TEAD1: variants seen among roughly 807,000 people sequenced by gnomAD.
TEAD1 encodes transcriptional enhancer factor TEF-1.
TEAD1 carries 9 observed loss-of-function variants against 54.9 expected under a neutral mutation model. The ratio of observed to expected loss-of-function variants is 0.16; its 90% CI spans 0.10 to 0.29. The LOEUF is 0.29. Among genes scored for constraint, TEAD1 ranks in the 10% least tolerant of loss-of-function variants. The pLI, the probability that TEAD1 is intolerant of heterozygous loss-of-function variation, is 1.00. For synonymous variants in TEAD1, 200 were observed against 187.8 expected, an observed-to-expected ratio of 1.07 and a Z score of -0.53; for missense variants, 387 against 535.9, an observed-to-expected ratio of 0.72 and a Z score of 2.74.
chr11:12,675,472 A>C lies in TEAD1; in HGVS notation c.-144A>C, dbSNP rs1157678628. 6.6e-6 allele frequency: 1 copy of C among 152,580 alleles called. No individual in the cohort carries two copies. Among genetic ancestry groups the C allele is most frequent in the East Asian group, 1.9e-4 (1 of 5,170 alleles). The allele number at this position is 152,580 out of a possible 1,614,324, so 9.5% of individuals were successfully genotyped here. A position where few individuals can be genotyped will look rare whatever the true frequency, so the allele number is the denominator to read the frequency against. On this transcript the variant is annotated 5_prime_UTR_variant, in exon 2 of 13. Coordinates refer to ENST00000527636, the MANE Select transcript of TEAD1 (RefSeq NM_021961.6). ...TTCAAGTGGAAAATTTTCAGGAGTC[A>C]GCAGAAACATTGTGTCCAAAAAAGA...
intron 3 of TEAD1, among the ~76,000 whole-genome samples, chr11:12,836,722 G>T (rs573853565): frequency 6.6e-6 from 1 of 152,246 alleles, no homozygotes; most frequent in Non-Finnish European, 1.5e-5. Context: ...TCTGATTTCA[G>T]TCCCTGGAAA....
In TEAD1 at chr11:12,943,973, A is replaced by G. The variant is rs1949184378; in HGVS notation, c.*6751A>G. 1 of 152,688 alleles carries G rather than the reference A, an allele frequency of 6.5e-6. No homozygotes were observed. Among genetic ancestry groups the G allele is most frequent in the African/African-American group, 2.4e-5 (1 of 41,474 alleles). 9.5% of individuals were successfully genotyped at this position (152,688 alleles called of 1,614,324 possible). On this transcript the variant is annotated 3_prime_UTR_variant, in exon 13 of 13. Transcript: ENST00000527636. ...AAAAAAAATTTGTAACATTTAAAAA[A>G]GAAACCTGAATAGCCTTTAATTCTT...
At chr11:12,899,048 CCAGCTCTGACCTGGCCCAGGGG>C (rs1293718227) in intron 9 of TEAD1, among the ~76,000 whole-genome samples, 2 of 152,176 alleles carry the variant, frequency 1.3e-5, no homozygotes, top group East Asian at 1.9e-4. Flanking sequence ...CAACTTCACC[CCAGCTCTGACCTGGCCCAGGGG>C]CAGCTAGCGA....
intron 2 of TEAD1, among the ~76,000 whole-genome samples, chr11:12,734,665 A>G (rs1012064965): frequency 6.6e-6 from 1 of 152,180 alleles, no homozygotes; most frequent in Non-Finnish European, 1.5e-5. Context: ...ACAAATACTT[A>G]CCATTGAGTT....
chr11:12,690,399 CTTAAAACTCT>C (rs1363660624), intron 2 of TEAD1, among the ~76,000 whole-genome samples: 1 of 152,046 alleles, frequency 6.6e-6, no homozygotes, highest in Non-Finnish European at 1.5e-5. Flanking sequence ...TGCTGTGTTT[CTTAAAACTCT>C]TTAAATCACA....
At position 12,937,343 on chromosome 11, in the gene TEAD1, C is replaced by T; in HGVS notation, c.*121C>T. ...CTCACCACACAGGGTGGTGCCCTGGCCCCGAGGTCACCCCGACTTTTCTAA... is the reference window on the plus strand; with the variant it reads ...CTCACCACACAGGGTGGTGCCCTGGTCCCGAGGTCACCCCGACTTTTCTAA... On this transcript the variant is annotated 3_prime_UTR_variant, in exon 13 of 13. Coordinates refer to ENST00000527636, the MANE Select transcript of TEAD1 (RefSeq NM_021961.6). The T allele has an allele frequency of 1.2e-6, 1 of 805,766 alleles. No homozygotes were observed. Among genetic ancestry groups the T allele is most frequent in the Non-Finnish European group, 2.0e-6 (1 of 494,816 alleles). The allele number at this position is 805,766 out of a possible 1,614,324, so 49.9% of individuals were successfully genotyped here. A position where few individuals can be genotyped will look rare whatever the true frequency, so the allele number is the denominator to read the frequency against.
intron 2 of TEAD1, among the ~76,000 whole-genome samples, chr11:12,710,108 C>T (rs1943903829): frequency 6.6e-6 from 1 of 151,986 alleles, no homozygotes; most frequent in South Asian, 2.1e-4. Flanking sequence ...AGGAGGGTCA[C>T]TTGAGCCCAG....
At chr11:12,837,878 G>A (rs1946939296) in intron 3 of TEAD1, among the ~76,000 whole-genome samples, 1 of 148,732 alleles carries the variant, frequency 6.7e-6, no homozygotes, top group African/African-American at 2.5e-5. Flanking sequence ...TCTCATCTCA[G>A]TGAAACCTCT....
At chr11:12,805,503 A>G (rs1239125409) in intron 3 of TEAD1, among the ~76,000 whole-genome samples, 2 of 152,208 alleles carry the variant, frequency 1.3e-5, no homozygotes, top group African/African-American at 2.4e-5. Flanking sequence ...ATCCTAGCCA[A>G]TATTAAAGCA....
At chr11:12,932,402 C>T (rs1278394392) in intron 12 of TEAD1, among the ~76,000 whole-genome samples, 1 of 147,296 alleles carries the variant, frequency 6.8e-6, no homozygotes, top group East Asian at 1.9e-4. Flanking sequence ...TGAATGGCTT[C>T]CCTGCCTCTC....
chr11:12,816,764 T>C (rs1010252470), intron 3 of TEAD1, among the ~76,000 whole-genome samples: 1 of 152,178 alleles, frequency 6.6e-6, no homozygotes, highest in African/African-American at 2.4e-5. Flanking sequence ...GACAGGGATC[T>C]CAAGATGAGT....
intron 2 of TEAD1, among the ~76,000 whole-genome samples, chr11:12,684,008 A>C (rs1180671767): frequency 6.6e-6 from 1 of 152,178 alleles, no homozygotes; most frequent in African/African-American, 2.4e-5. Context: ...GTAAATAGCA[A>C]CTTCAAATGT....
chr11:12,894,285 C>G (rs532722384), intron 9 of TEAD1, among the ~76,000 whole-genome samples: 1 of 152,178 alleles, frequency 6.6e-6, no homozygotes, highest in Admixed American at 6.5e-5. Flanking sequence ...AGTGCAGGAC[C>G]CGGTGTGTCT....
At chr11:12,745,607 A>G (rs530447282) in intron 2 of TEAD1, among the ~76,000 whole-genome samples, 120 of 105,002 alleles carry the variant, frequency 1.1e-3, no homozygotes, top group Non-Finnish European at 1.8e-3. Context: ...TTTTTTTTGG[A>G]CTGTTTGCAG....
intron 3 of TEAD1, among the ~76,000 whole-genome samples, chr11:12,851,504 A>T (rs995039689): frequency 2.0e-5 from 3 of 152,204 alleles, no homozygotes; most frequent in East Asian, 1.9e-4. Context: ...TTTATTTTTT[A>T]AAAAAATGGC....
intron 2 of TEAD1, among the ~76,000 whole-genome samples, chr11:12,729,843 G>T (rs1016152693): frequency 6.6e-6 from 1 of 152,188 alleles, no homozygotes; most frequent in African/African-American, 2.4e-5. Flanking sequence ...AAGGCATGTT[G>T]CTCTCCTCAT....
At chr11:12,825,115 T>A (rs1466225072) in intron 3 of TEAD1, among the ~76,000 whole-genome samples, 1 of 152,216 alleles carries the variant, frequency 6.6e-6, no homozygotes, top group Non-Finnish European at 1.5e-5. Flanking sequence ...CGTAAAGTCT[T>A]CAAGAAAGAT....
At chr11:12,749,512 T>G (rs925768389) in intron 2 of TEAD1, among the ~76,000 whole-genome samples, 1 of 152,154 alleles carries the variant, frequency 6.6e-6, no homozygotes, top group African/African-American at 2.4e-5. Flanking sequence ...TTTTACTGAA[T>G]TCAGCAGACT....
intron 9 of TEAD1, among the ~76,000 whole-genome samples, chr11:12,898,161 G>A (rs1948349341): frequency 6.6e-6 from 1 of 152,158 alleles, no homozygotes; most frequent in African/African-American, 2.4e-5. Context: ...AGGCACAGGT[G>A]AGAGGCCCAC....
Sources: gnomAD v4.1 joint callset for allele counts (sites outside exome capture counted in the v4.1 genomes callset) on GRCh38, gnomAD v4.1.1 for gene constraint, MANE v1.5 for transcripts, NCBI Gene and HGNC (gene_info 2026-07-23, HGNC 2026-07-21) for gene names.